SRRM1: variants seen among roughly 807,000 people sequenced by gnomAD.
The protein encoded by SRRM1 is serine and arginine repetitive matrix 1, also known as serine/arginine repetitive matrix protein 1.
A neutral mutation model predicts 110.2 loss-of-function variants in SRRM1; 19 were observed. The observed-to-expected ratio is 0.17, with a 90% confidence interval of 0.12 to 0.25. The LOEUF is 0.25. Ranked by LOEUF, SRRM1 falls within the 10% of genes least tolerant of loss-of-function variation. The probability of loss-of-function intolerance (pLI) is 1.00; values close to 1 mark genes in which losing one functional copy is unlikely to be tolerated. For synonymous variants in SRRM1, 443 were observed against 414.9 expected (o/e 1.07, Z -0.82); for missense variants, 918 against 1,145.8 (o/e 0.80, Z 2.87).
chr1:24,654,679 GT>G (rs1321420943), intron 8 of SRRM1, among the ~76,000 whole-genome samples, 175 bp from the exon 9 acceptor site: 1 of 152,142 alleles, frequency 6.6e-6, no homozygotes, highest in Non-Finnish European at 1.5e-5. Context: ...AGAACTAGCT[GT>G]TTCCTGGCCT....
chr1:24,667,365 A>G (rs1670530656), intron 13 of SRRM1, among the ~76,000 whole-genome samples: 1 of 152,226 alleles, frequency 6.6e-6, no homozygotes, highest in African/African-American at 2.4e-5. Context: ...TGTCATAAAG[A>G]TGTTAATACA....
chr1:24,672,199 T>C lies in SRRM1; in HGVS notation c.2628T>C (p.Ala876=), dbSNP rs1673159451. 1 of 1,610,214 alleles carries C rather than the reference T, an allele frequency of 6.2e-7. No homozygotes were observed. The highest frequency in any genetic ancestry group is 1.1e-5 in the South Asian group (1 of 90,374). The change falls in exon 17 of 17, where the codon GCT becomes GCC. Residue 876 remains alanine, a synonymous_variant. Transcript: ENST00000323848. ...PEPKKETESE[A]EDNLDDLEKH... ...TTTTTTAGGAGACTGAAAGTGAAGC[T>C]GAAGATAACCTTGATGATTTAGAAA...
At chr1:24,655,251 C>T (rs551897192) in intron 9 of SRRM1, 122 bp downstream of exon 9, 3 of 1,119,806 alleles carry the variant, frequency 2.7e-6, no homozygotes, top group East Asian at 2.5e-5. Context: ...ATCTAATACT[C>T]TCTGTAGGTT....
At chr1:24,643,548 T>C (rs1655139601) in intron 1 of SRRM1, 2 of 409,528 alleles carry the variant, frequency 4.9e-6, no homozygotes, top group Middle Eastern at 6.2e-4. Context: ...TCCTCCGGAA[T>C]GGTCCCCCCT....
rs753607765 is a variant in SRRM1 at position 24,672,171 on chromosome 1, GT to G, written c.2611-3del. 23 of 1,593,964 alleles carry G rather than the reference GT, an allele frequency of 1.4e-5. No individual in the cohort carries two copies. The highest frequency in any genetic ancestry group is 3.4e-5 in the Admixed American group (2 of 58,560). On this transcript the variant is annotated splice_polypyrimidine_tract_variant and intron_variant, in intron 16 of 16. Coordinates refer to ENST00000323848, the MANE Select transcript of SRRM1 (RefSeq NM_005839.4). ...CTCAAGACTTAACCGTGTAAATTCT[GT>G]TTTTTTTAGGAGACTGAAAGTGAAG...
chr1:24,652,825 A>G (rs113084554), intron 7 of SRRM1, 88 bp from the exon 8 acceptor site: 1 of 1,480,518 alleles, frequency 6.8e-7, no homozygotes. Flanking sequence ...TTTGAAATTT[A>G]TTTTTTAGAT....
chr1:24,666,930 T>C lies in SRRM1; in HGVS notation c.1739+5T>C. ...CACACCACCACCACGACGAAGGTAC[T>C]TTGTCAAATATGCTAACTGGAGCAT... On this transcript the variant is annotated splice_donor_5th_base_variant and intron_variant, in intron 13 of 16. Coordinates refer to ENST00000323848, the MANE Select transcript of SRRM1 (RefSeq NM_005839.4). The C allele has an allele frequency of 6.3e-7, 1 of 1,596,322 alleles. No individual in the cohort carries two copies. The highest frequency in any genetic ancestry group is 1.1e-5 in the South Asian group (1 of 88,884).
In SRRM1 at chr1:24,666,851, C is replaced by A. The variant is rs142128570; in HGVS notation, c.1665C>A (p.Thr555=). 7 of 1,613,500 alleles carry A rather than the reference C, an allele frequency of 4.3e-6. No homozygotes were observed. Among genetic ancestry groups the A allele is most frequent in the Middle Eastern group, 1.7e-4 (1 of 6,056 alleles). The change falls in exon 13 of 17, where the codon ACC becomes ACA. Residue 555 remains threonine (T), a synonymous_variant. Coordinates refer to ENST00000323848, the MANE Select transcript of SRRM1 (RefSeq NM_005839.4). The part of the protein sequence containing the change: ...RRRRSPSPPP[T]RRRRSPSPAP... ...GGAGAAGTCCATCCCCACCACCCAC[C>A]AGAAGGCGACGGTCTCCTTCTCCCG... is the stretch of plus-strand genomic sequence containing the variant.
At chr1:24,661,505 ATC>A (rs1220165170) in intron 11 of SRRM1, 109 bp downstream of exon 11, 16 of 733,750 alleles carry the variant, frequency 2.2e-5, no homozygotes, top group Non-Finnish European at 3.2e-5. Flanking sequence ...CTACATAGAA[ATC>A]TGTCTGAGGA....
At chr1:24,646,966 T>G (rs1349813351) in intron 3 of SRRM1, 177 bp downstream of exon 3, 2 of 471,374 alleles carry the variant, frequency 4.2e-6, no homozygotes, top group Non-Finnish European at 7.2e-6. Flanking sequence ...AGGTGCATAG[T>G]TTTGAAAGCT....
At chr1:24,662,983 A>G in intron 12 of SRRM1, 179 bp downstream of exon 12, 1 of 1,000,794 alleles carries the variant, frequency 1.0e-6, no homozygotes, top group Non-Finnish European at 1.4e-6. Flanking sequence ...GTTATTAATA[A>G]TTAATTTAGA....
chr1:24,663,625 G>A (rs957843323), intron 12 of SRRM1, among the ~76,000 whole-genome samples: 6 of 151,972 alleles, frequency 3.9e-5, no homozygotes, highest in African/African-American at 1.5e-4. Context: ...AAAAACTAGG[G>A]AGAAACTTTA....
At chr1:24,649,901 C>T (rs1659636468) in intron 4 of SRRM1, 70 bp from the exon 5 acceptor site, 5 of 1,374,862 alleles carry the variant, frequency 3.6e-6, no homozygotes, top group Admixed American at 3.0e-5. Context: ...GTTTAACACA[C>T]GTAGAAAGTA....
At chr1:24,644,119 G>A (rs979226406) in intron 1 of SRRM1, among the ~76,000 whole-genome samples, 4 of 152,120 alleles carry the variant, frequency 2.6e-5, no homozygotes, top group African/African-American at 9.7e-5. Context: ...CTTGGAGTCC[G>A]CTGGTGAAAG....
intron 6 of SRRM1, among the ~76,000 whole-genome samples, chr1:24,652,029 AATATATATATATATATATATATATAT>A: frequency 1.3e-5 from 1 of 79,868 alleles, no homozygotes; most frequent in Admixed American, 1.4e-4. Flanking sequence ...CTGTACTAAA[AATATATATATATATATATATATATAT>A]ATATATATGT....
chr1:24,661,346 C>A lies in SRRM1; in HGVS notation c.1433C>A (p.Ser478Tyr). The A allele has an allele frequency of 3.1e-6, 5 of 1,613,258 alleles. No individual in the cohort carries two copies. The highest frequency in any genetic ancestry group is 4.2e-6 in the Non-Finnish European group (5 of 1,179,466). Residue 478 changes from serine to tyrosine, a missense_variant, in exon 11 of 17, where the codon TCT (serine) becomes TAT (tyrosine). By Grantham distance (144) the Ser-to-Tyr change is moderately radical. Around this residue, in one of 5 missense-constraint regions of SRRM1, gnomAD observed 456 missense variants for 453.5 expected, o/e 1.01. Coordinates refer to ENST00000323848, the MANE Select transcript of SRRM1 (RefSeq NM_005839.4). ...DKGGKMAAAD[S>Y]VQQRRQYRRQ... ...GGTGGCAAAATGGCTGCAGCAGATT[C>A]TGTGCAGCAGAGACGCCAATACAGA...
chr1:24,671,618 G>A, intron 16 of SRRM1, 23 bp downstream of exon 16: 1 of 1,554,140 alleles, frequency 6.4e-7, no homozygotes, highest in South Asian at 1.2e-5. Context: ...TCTGTATATG[G>A]CTGTCTTGCA....
At chr1:24,669,652 C>A in intron 14 of SRRM1, 65 bp downstream of exon 14, 2 of 1,215,580 alleles carry the variant, frequency 1.6e-6, no homozygotes, top group African/African-American at 1.5e-5. Flanking sequence ...GGAAGCTTCC[C>A]CCCACCCCCA....
Position 24,660,767 on chromosome 1 carries a change from C to T in SRRM1, c.1364C>T (p.Pro455Leu), listed in dbSNP as rs756921373. The change falls in exon 10 of 17, where the codon CCG becomes CTG. Residue 455 changes from proline to leucine, a missense_variant. By Grantham distance (98) the Pro-to-Leu change is moderately conservative (BLOSUM62 -3). Transcript: ENST00000323848. Reference sequence around the variant, plus strand: ...AAAAGAGAATCCCCTTCACCAGCACCGAAGCCTAGAAAAGTAGAGTTATCT... The same window carrying T: ...AAAAGAGAATCCCCTTCACCAGCACTGAAGCCTAGAAAAGTAGAGTTATCT... ...TEKRESPSPA[P>L]KPRKVELSES... is the part of the protein sequence containing the mutation. 2 of 1,594,674 alleles carry T rather than the reference C, an allele frequency of 1.3e-6. No homozygotes were observed. Among genetic ancestry groups the T allele is most frequent in the Non-Finnish European group, 1.7e-6 (2 of 1,172,208 alleles).
Sources: gnomAD v4.1 joint callset for allele counts (sites outside exome capture counted in the v4.1 genomes callset) on GRCh38, gnomAD v4.1.1 for gene constraint, gnomAD v4.1.1 regional missense constraint, MANE v1.5 for transcripts, NCBI Gene and HGNC (gene_info 2026-07-23, HGNC 2026-07-21) for gene names.